BCAR3: variants seen among roughly 807,000 people sequenced by gnomAD.
The protein encoded by BCAR3 is BCAR3 adaptor protein, NSP family member.
Under a neutral mutation model 80.1 loss-of-function variants are expected in BCAR3, and 37 were observed. The ratio of observed to expected loss-of-function variants is 0.46; its 90% CI spans 0.36 to 0.61. BCAR3 has a LOEUF of 0.61. Among genes scored for constraint, BCAR3 ranks in the 20% least tolerant of loss-of-function variants. The probability of loss-of-function intolerance (pLI) is 0.00; values close to 1 mark genes in which losing one functional copy is unlikely to be tolerated. For synonymous variants in BCAR3, 389 were observed against 418.9 expected (o/e 0.93, Z 0.87); for missense variants, 978 against 1,068.2 (o/e 0.92, Z 1.18).
chr1:93,746,250 T>C (rs1571091960), intron 2 of BCAR3, among the ~76,000 whole-genome samples: 1 of 152,188 alleles, frequency 6.6e-6, no homozygotes, highest in Non-Finnish European at 1.5e-5. Flanking sequence ...CAAAGGAATA[T>C]GGCTGGGTGC....
intron 3 of BCAR3, among the ~76,000 whole-genome samples, chr1:93,692,163 A>T (rs977130675): frequency 6.6e-6 from 1 of 152,208 alleles, no homozygotes; most frequent in African/African-American, 2.4e-5. Flanking sequence ...ACAGCTCGGC[A>T]TCCAGTGCAA....
intron 2 of BCAR3, among the ~76,000 whole-genome samples, chr1:93,730,202 C>T (rs1298516448): frequency 6.6e-6 from 1 of 152,162 alleles, no homozygotes; most frequent in East Asian, 1.9e-4. Flanking sequence ...TGGAAGCCCT[C>T]CCTGTCCCTC....
At chr1:93,737,296 T>C (rs1010302870) in intron 2 of BCAR3, among the ~76,000 whole-genome samples, 3 of 152,202 alleles carry the variant, frequency 2.0e-5, no homozygotes, top group African/African-American at 4.8e-5. Context: ...TGATCCTATT[T>C]GGAAATAGGG....
chr1:93,722,104 G>A (rs533564100), intron 2 of BCAR3, among the ~76,000 whole-genome samples: 4 of 152,308 alleles, frequency 2.6e-5, no homozygotes, highest in South Asian at 2.1e-4. Flanking sequence ...CCACAGTCTC[G>A]GCCAGGTCCC....
At chr1:93,755,808 A>G (rs1229895358) in intron 2 of BCAR3, among the ~76,000 whole-genome samples, 7 of 152,170 alleles carry the variant, frequency 4.6e-5, no homozygotes, top group African/African-American at 1.7e-4. Context: ...TGCAAAAGGG[A>G]GGAAACATTT....
intron 3 of BCAR3, among the ~76,000 whole-genome samples, chr1:93,632,085 G>C (rs1557631031): frequency 6.6e-6 from 1 of 152,224 alleles, no homozygotes; most frequent in Non-Finnish European, 1.5e-5. Context: ...GCTGCTCAGA[G>C]CTGACAGGTA....
chr1:93,626,896 G>T (rs919141078), intron 3 of BCAR3, among the ~76,000 whole-genome samples: 1 of 152,172 alleles, frequency 6.6e-6, no homozygotes, highest in African/African-American at 2.4e-5. Context: ...CTTTTTCATA[G>T]AGCACAATTT....
intron 2 of BCAR3, among the ~76,000 whole-genome samples, chr1:93,809,498 T>G (rs980085092): frequency 2.0e-5 from 3 of 152,150 alleles, no homozygotes; most frequent in Non-Finnish European, 2.9e-5. Context: ...CTGGGCACGG[T>G]AGCTCATGCC....
chr1:93,717,552 C>T (rs1650232252), intron 2 of BCAR3, among the ~76,000 whole-genome samples: 1 of 151,914 alleles, frequency 6.6e-6, no homozygotes, highest in Non-Finnish European at 1.5e-5. Context: ...TGGTGAAACC[C>T]CATCTCTACT....
At chr1:93,772,698 G>A (rs528151395) in intron 2 of BCAR3, among the ~76,000 whole-genome samples, 4 of 152,144 alleles carry the variant, frequency 2.6e-5, no homozygotes, top group South Asian at 4.2e-4. Flanking sequence ...TGCACCTGCC[G>A]GGTTTAAGCA....
intron 3 of BCAR3, among the ~76,000 whole-genome samples, chr1:93,635,289 TAC>T (rs1414723162): frequency 6.6e-6 from 1 of 152,116 alleles, no homozygotes; most frequent in East Asian, 1.9e-4. Context: ...ATGGGTGTAC[TAC>T]TTTTTTCCAG....
Position 93,592,247 on chromosome 1 carries a change from A to AG in BCAR3, c.486+17dup, listed in dbSNP as rs1557850308. The AG allele has an allele frequency of 2.5e-6, 4 of 1,613,154 alleles. No homozygotes were observed. Among genetic ancestry groups the AG allele is most frequent in the Non-Finnish European group, 3.4e-6 (4 of 1,179,966 alleles). On this transcript the variant is annotated intron_variant, in intron 4 of 11. Coordinates refer to ENST00000260502, the MANE Select transcript of BCAR3 (RefSeq NM_003567.4). This position sits in a 1 kb window ranked among gnomAD's most constrained non-coding sequence, Gnocchi z 4.8. Reference sequence around the variant, plus strand: ...TGAGAGCAGCCGTGTATGCTCTGGAAGGGACAAGACCAGGTACCTGTCGGG... The same window carrying AG: ...TGAGAGCAGCCGTGTATGCTCTGGAAGGGGACAAGACCAGGTACCTGTCGGG...
At position 93,845,502 on chromosome 1, in the gene BCAR3, A is replaced by ATCTATCTATATCTCATGTTGTCAAG; in HGVS notation, c.-63+64_-63+65insCTTGACAACATGAGATATAGATAGA. The ATCTATCTATATCTCATGTTGTCAAG allele has an allele frequency of 3.5e-5, 4 of 113,822 alleles. 1 individual carries two copies. Among genetic ancestry groups the ATCTATCTATATCTCATGTTGTCAAG allele is most frequent in the Admixed American group, 9.5e-5 (1 of 10,568 alleles). 7.1% of individuals were successfully genotyped at this position (113,822 alleles called of 1,614,324 possible). A position where few individuals can be genotyped will look rare whatever the true frequency, so the allele number is the denominator to read the frequency against. The stretch of plus-strand genomic sequence containing the variant: ...TATATATATATATATATATATATAT[A>ATCTATCTATATCTCATGTTGTCAAG]AAACTTTGTTTACATTAGAGTATAA... On this transcript the variant is annotated intron_variant, in intron 2 of 13. Transcript: ENST00000370244.
chr1:93,636,457 C>T (rs1208608920), intron 3 of BCAR3, among the ~76,000 whole-genome samples: 3 of 151,966 alleles, frequency 2.0e-5, no homozygotes, highest in Non-Finnish European at 1.5e-5. Context: ...TTCCTCACTG[C>T]GGTAGCCTGG....
chr1:93,788,274 CT>C (rs1158593942), intron 2 of BCAR3, among the ~76,000 whole-genome samples: 1 of 152,110 alleles, frequency 6.6e-6, no homozygotes, highest in Non-Finnish European at 1.5e-5. Flanking sequence ...CATTCTGTAT[CT>C]TTTAAGTGGA....
intron 3 of BCAR3, among the ~76,000 whole-genome samples, chr1:93,633,519 C>T (rs896665843): frequency 2.0e-5 from 3 of 152,182 alleles, no homozygotes; most frequent in Non-Finnish European, 4.4e-5. Flanking sequence ...TCTTCAAGCT[C>T]GGCACTTTTT....
At chr1:93,790,251 T>C (rs542817948) in intron 2 of BCAR3, among the ~76,000 whole-genome samples, 1 of 152,232 alleles carries the variant, frequency 6.6e-6, no homozygotes, top group South Asian at 2.1e-4. Flanking sequence ...AGAAATAACA[T>C]ATTATAGAAA....
chr1:93,781,324 G>A (rs1262046444), intron 2 of BCAR3, among the ~76,000 whole-genome samples: 2 of 152,056 alleles, frequency 1.3e-5, no homozygotes, highest in South Asian at 2.1e-4. Flanking sequence ...TAGCTCATGG[G>A]CCACATGGCC....
At chr1:93,721,101 C>G (rs867929432) in intron 2 of BCAR3, among the ~76,000 whole-genome samples, 55 of 152,130 alleles carry the variant, frequency 3.6e-4, no homozygotes, top group African/African-American at 1.3e-3. Flanking sequence ...TTTAGAAGTT[C>G]AGGGATGCCT....
Sources: allele counts gnomAD v4.1 joint callset (sites outside exome capture counted in the v4.1 genomes callset), GRCh38; gene constraint gnomAD v4.1.1; non-coding constraint Gnocchi (gnomAD v3.1); transcripts MANE v1.5; gene names NCBI Gene and HGNC (gene_info 2026-07-23, HGNC 2026-07-21).